Variants in FLNC observed in about 807,000 individuals in gnomAD.
FLNC encodes the protein filamin-C.
FLNC carries 91 observed loss-of-function variants against 254.3 expected under a neutral mutation model. The ratio of observed to expected loss-of-function variants is 0.36; its 90% CI spans 0.30 to 0.43. FLNC has a LOEUF of 0.43. FLNC is among the 20% of genes least tolerant of loss of function. The probability of loss-of-function intolerance (pLI) is 1.00; values close to 1 mark genes in which losing one functional copy is unlikely to be tolerated. For synonymous variants in FLNC, 1,430 were observed against 1,577.2 expected (o/e 0.91, Z 2.21); for missense variants, 2,853 against 3,802.6 (o/e 0.75, Z 6.57).
At chr7:128,851,686 A>T (rs1027807011) in intron 35 of FLNC, 58 bp downstream of exon 35, 3 of 1,574,340 alleles carry the variant, frequency 1.9e-6, no homozygotes, top group Non-Finnish European at 2.6e-6. Flanking sequence ...CATACAGTGC[A>T]CTCATGTGCA....
intron 21 of FLNC, 75 bp from the exon 22 acceptor site, chr7:128,845,912 AAGG>A: frequency 8.0e-7 from 1 of 1,253,380 alleles, no homozygotes; most frequent in Non-Finnish European, 1.1e-6. Flanking sequence ...AGGAGAGGGA[AAGG>A]AGGGGGAGAG....
intron 43 of FLNC, 44 bp downstream of exon 43, chr7:128,855,358 G>A: frequency 1.6e-6 from 2 of 1,278,754 alleles, no homozygotes; most frequent in Non-Finnish European, 2.3e-6. Flanking sequence ...CTATCTGAGA[G>A]ATGGGCAGGA....
intron 37 of FLNC, 126 bp downstream of exon 37, chr7:128,853,157 G>C (rs1334890338): frequency 9.8e-7 from 1 of 1,022,534 alleles, no homozygotes; most frequent in Non-Finnish European, 1.5e-6. Flanking sequence ...GTCTGCGTCA[G>C]GATTCGCATT....
At position 128,853,463 on chromosome 7, in the gene FLNC, C is replaced by T; in HGVS notation, c.6209-6C>T. On this transcript the variant is annotated splice_region_variant and splice_polypyrimidine_tract_variant and intron_variant, in intron 37 of 47. Transcript: ENST00000325888. ...TGAGGGAGATGTGTTCCTTGCTTTCCCCCAGGTTATGGGGGCTTGGGGCTG... is the reference window on the plus strand; with the variant it reads ...TGAGGGAGATGTGTTCCTTGCTTTCTCCCAGGTTATGGGGGCTTGGGGCTG... 6.2e-7 allele frequency: 1 copy of T among 1,613,954 alleles called. No homozygotes were observed. The highest frequency in any genetic ancestry group is 8.5e-7 in the Non-Finnish European group (1 of 1,180,012).
intron 2 of FLNC, 102 bp from the exon 3 acceptor site, chr7:128,837,058 G>A: frequency 1.2e-6 from 1 of 813,534 alleles, no homozygotes; most frequent in Non-Finnish European, 2.1e-6. Flanking sequence ...TGGTGGGAAG[G>A]GGTGTAAAGC....
At position 128,841,653 on chromosome 7, in the gene FLNC, C is replaced by G; in HGVS notation, c.2121+86C>G. ...GGCCAGGCCAGAGGCAGAGGCCTCC[C>G]AGCAGGAAATGACAGCATCACAGAA... is the stretch of plus-strand genomic sequence containing the variant. On this transcript the variant is annotated intron_variant, in intron 13 of 47. Transcript: ENST00000325888. This position sits in a 1 kb window ranked among gnomAD's most constrained non-coding sequence, Gnocchi z 4.3. 1.0e-6 allele frequency: 1 copy of G among 972,760 alleles called. No homozygotes were observed. Among genetic ancestry groups the G allele is most frequent in the Non-Finnish European group, 1.7e-6 (1 of 598,092 alleles). The allele number at this position is 972,760 out of a possible 1,614,324, so 60.3% of individuals were successfully genotyped here. A position where few individuals can be genotyped will look rare whatever the true frequency, so the allele number is the denominator to read the frequency against.
Position 128,842,154 on chromosome 7 carries a change from G to A in FLNC, c.2122-77G>A, listed in dbSNP as rs926010153. Reference sequence around the variant, plus strand: ...CAGTGTTGGGGGTGGGAAAGGAGGCGCTGGGTTCACCTGCGGCCAGCAGAG... The same window carrying A: ...CAGTGTTGGGGGTGGGAAAGGAGGCACTGGGTTCACCTGCGGCCAGCAGAG... On this transcript the variant is annotated intron_variant, in intron 13 of 47. Coordinates refer to ENST00000325888, the MANE Select transcript of FLNC (RefSeq NM_001458.5). The surrounding 1 kb of genome is among the most constrained non-coding windows in gnomAD (Gnocchi z 5.4). 7 of 1,483,118 alleles carry A rather than the reference G, an allele frequency of 4.7e-6. No homozygotes were observed. Among genetic ancestry groups the A allele is most frequent in the African/African-American group, 4.2e-5 (3 of 71,912 alleles). 91.9% of individuals were successfully genotyped at this position (1,483,118 alleles called of 1,614,324 possible).
Position 128,840,020 on chromosome 7 carries a change from T to C in FLNC, c.1412-3T>C, listed in dbSNP as rs1423489676. On this transcript the variant is annotated splice_polypyrimidine_tract_variant and splice_region_variant and intron_variant, in intron 8 of 47. Coordinates refer to ENST00000325888, the MANE Select transcript of FLNC (RefSeq NM_001458.5). ...CCCAACCTCCTTTCTCTTCCTCCCC[T>C]AGCCTGTAACCCCAACGCCTGCCGC... The C allele has an allele frequency of 6.2e-7, 1 of 1,612,834 alleles. No individual in the cohort carries two copies. Among genetic ancestry groups the C allele is most frequent in the Non-Finnish European group, 8.5e-7 (1 of 1,179,968 alleles).
Position 128,851,647 on chromosome 7 carries a change from C to T in FLNC, c.5842+19C>T, listed in dbSNP as rs1057464902. 5 of 1,612,720 alleles carry T rather than the reference C, an allele frequency of 3.1e-6. No homozygotes were observed. The highest frequency in any genetic ancestry group is 2.7e-5 in the African/African-American group (2 of 74,914). On this transcript the variant is annotated intron_variant, in intron 35 of 47. Transcript: ENST00000325888. ...ATCACAGGTGAGGCGGGTGTATGGG[C>T]ATGTACAGCCCATGAGGCACACACA...
At chr7:128,834,539 G>A (rs1808021774) in intron 1 of FLNC, among the ~76,000 whole-genome samples, 1 of 148,930 alleles carries the variant, frequency 6.7e-6, no homozygotes, top group Non-Finnish European at 1.5e-5. Context: ...TCGGGGTAGA[G>A]TGTGAGTGGA....
At position 128,830,580 on chromosome 7, in the gene FLNC, G is replaced by T; in HGVS notation, c.-58G>T. On this transcript the variant is annotated 5_prime_UTR_variant, in exon 1 of 48. Transcript: ENST00000325888. ...GGTCGCGCCCCAACAGCGCCCGACAGCCCCCGATAGCCCAAACCGCGGCCC... is the reference window on the plus strand; with the variant it reads ...GGTCGCGCCCCAACAGCGCCCGACATCCCCCGATAGCCCAAACCGCGGCCC... The T allele has an allele frequency of 6.8e-7, 1 of 1,480,590 alleles. No homozygotes were observed. The highest frequency in any genetic ancestry group is 1.4e-5 in the African/African-American group (1 of 72,188). 91.7% of individuals were successfully genotyped at this position (1,480,590 alleles called of 1,614,324 possible).
At chr7:128,855,055 T>A in intron 42 of FLNC, 143 bp downstream of exon 42, 1 of 1,062,294 alleles carries the variant, frequency 9.4e-7, no homozygotes, top group East Asian at 2.4e-5. Flanking sequence ...CGTCTCCCTC[T>A]ACCCCACACC....
chr7:128,841,496 G>A lies in FLNC; in HGVS notation c.2050G>A (p.Val684Met), dbSNP rs769221710. 23 of 1,614,030 alleles carry A rather than the reference G, an allele frequency of 1.4e-5. No homozygotes were observed. The highest frequency in any genetic ancestry group is 2.2e-5 in the East Asian group (1 of 44,900). Residue 684 changes from valine to methionine, a missense_variant, in exon 13 of 48, where the codon GTG becomes ATG. Around this residue, in one of 10 missense-constraint regions of FLNC, gnomAD observed 1,573 missense variants for 1,883.5 expected, o/e 0.84. Coordinates refer to ENST00000325888, the MANE Select transcript of FLNC (RefSeq NM_001458.5). This position sits in a 1 kb window ranked among gnomAD's most constrained non-coding sequence, Gnocchi z 4.3. ...GPGLEPTGCI[V>M]DKPAEFTIDA... ...TGGCCTGGAGCCTACCGGCTGCATC[G>A]TGGACAAGCCCGCTGAGTTCACCAT... is the stretch of plus-strand genomic sequence containing the variant.
Position 128,841,215 on chromosome 7 carries a change from A to ACAAGGGGGATGGCTCCTGCGATGTG in FLNC, c.1861_1885dup (p.Arg629GlnfsTer25), listed in dbSNP as rs1585156327. 2 of 1,614,018 alleles carry ACAAGGGGGATGGCTCCTGCGATGTG rather than the reference A, an allele frequency of 1.2e-6. No individual in the cohort carries two copies. The highest frequency in any genetic ancestry group is 1.7e-6 in the Non-Finnish European group (2 of 1,179,972). Reference sequence around the variant, plus strand: ...TCACAAGCCAAGATCGAATGTGACGACAAGGGGGATGGCTCCTGCGATGTG... The same window carrying ACAAGGGGGATGGCTCCTGCGATGTG: ...TCACAAGCCAAGATCGAATGTGACGACAAGGGGGATGGCTCCTGCGATGTGCAAGGGGGATGGCTCCTGCGATGTG... On this transcript the variant is annotated frameshift_variant, in exon 12 of 48. Coordinates refer to ENST00000325888, the MANE Select transcript of FLNC (RefSeq NM_001458.5). LOFTEE classifies it high-confidence loss of function. The surrounding 1 kb of genome is among the most constrained non-coding windows in gnomAD (Gnocchi z 4.3).
chr7:128,848,250 A>G (rs1262425976), intron 26 of FLNC, among the ~76,000 whole-genome samples, 182 bp downstream of exon 26: 1 of 152,076 alleles, frequency 6.6e-6, no homozygotes, highest in East Asian at 1.9e-4. Context: ...TTCCTGCCCC[A>G]GGAGCTTTTA....
chr7:128,849,050 G>A (rs531060770), intron 28 of FLNC, 68 bp downstream of exon 28: 4 of 1,596,692 alleles, frequency 2.5e-6, no homozygotes, highest in Non-Finnish European at 3.4e-6. Flanking sequence ...CAGAACCCTG[G>A]CCTGGTCCCC....
Position 128,851,272 on chromosome 7 carries a change from C to G in FLNC, c.5580C>G (p.Arg1860=), listed in dbSNP as rs955205184. Residue 1860 remains arginine (R), a synonymous_variant, in exon 34 of 48, where the codon CGC becomes CGG. Coordinates refer to ENST00000325888, the MANE Select transcript of FLNC (RefSeq NM_001458.5). ...TCTATGTGGATGCCATCAACAGCCG[C>G]CATGTCAGTGCCTATGGGCCAGGCC... ...LQFYVDAINS[R]HVSAYGPGLS... 1.9e-6 allele frequency: 3 copies of G among 1,613,990 alleles called. No individual in the cohort carries two copies. The African/African-American group carries it at 4.0e-5, about 22-fold the overall frequency.
In FLNC at chr7:128,843,336, G is replaced by A. The variant is rs1372595729; in HGVS notation, c.2641+17G>A. 1.2e-6 allele frequency: 2 copies of A among 1,613,144 alleles called. No homozygotes were observed. Among genetic ancestry groups the A allele is most frequent in the Admixed American group, 1.7e-5 (1 of 59,882 alleles). ...ATCGCACAGGTGAGTGTCTGGGCAGGGGCTGGGACTGGCTCGAGGTTGGGG... is the reference window on the plus strand; with the variant it reads ...ATCGCACAGGTGAGTGTCTGGGCAGAGGCTGGGACTGGCTCGAGGTTGGGG... On this transcript the variant is annotated intron_variant, in intron 17 of 47. Transcript: ENST00000325888.
rs749938373 is a variant in FLNC, at chr7:128,853,520, A to G, written c.6260A>G (p.Asn2087Ser). 1 of 1,614,002 alleles carries G rather than the reference A, an allele frequency of 6.2e-7. No individual in the cohort carries two copies. The highest frequency in any genetic ancestry group is 1.7e-5 in the Admixed American group (1 of 60,006). ...GAAGGCCCAAGCAAGGTGGACATCA[A>G]CTGTGAGGACATGGAGGACGGGACA... is the stretch of plus-strand genomic sequence containing the variant. ...SIEGPSKVDINCEDMEDGTCK... is the reference protein window; with the variant it reads ...SIEGPSKVDISCEDMEDGTCK... Residue 2087 changes from asparagine to serine, a missense_variant, in exon 38 of 48, where the codon AAC (asparagine) becomes AGC (serine). Asn to Ser is a conservative substitution (Grantham distance 46). Transcript: ENST00000325888.
Sources: gnomAD v4.1 joint callset for allele counts (sites outside exome capture counted in the v4.1 genomes callset) on GRCh38, gnomAD v4.1.1 for gene constraint, gnomAD v4.1.1 regional missense constraint, Gnocchi (gnomAD v3.1) non-coding constraint, MANE v1.5 for transcripts, NCBI Gene and HGNC (gene_info 2026-07-23, HGNC 2026-07-21) for gene names.